The following MSRA variants were observed in gnomAD, a reference collection of about 807,000 sequenced individuals.
MSRA encodes the protein mitochondrial peptide methionine sulfoxide reductase.
A neutral mutation model predicts 31.3 loss-of-function variants in MSRA; 54 were observed. The ratio of observed to expected loss-of-function variants is 1.73; its 90% CI spans 1.39 to 2.17. MSRA has a LOEUF of 2.17. Among genes scored for constraint, MSRA ranks in the 30% most tolerant of loss-of-function variants. MSRA has a pLI of 0.00. For synonymous variants in MSRA, 169 were observed against 116.5 expected (o/e 1.45, Z -2.90); for missense variants, 507 against 300.9 (o/e 1.69, Z -5.07).
intron 1 of MSRA, among the ~76,000 whole-genome samples, chr8:10,097,710 C>T (rs922912824): frequency 3.1e-4 from 47 of 151,984 alleles, no homozygotes; most frequent in African/African-American, 9.9e-4. Context: ...TTCTTTGCAG[C>T]GAACTCAGAA....
chr8:10,200,183 G>A (rs750007347), intron 1 of MSRA, among the ~76,000 whole-genome samples: 19 of 152,220 alleles, frequency 1.2e-4, no homozygotes, highest in Non-Finnish European at 2.2e-4. Context: ...CAAAGGGAGC[G>A]GGCCAGATGG....
At chr8:10,167,660 C>T (rs1471268808) in intron 1 of MSRA, among the ~76,000 whole-genome samples, 1 of 152,130 alleles carries the variant, frequency 6.6e-6, no homozygotes, top group Non-Finnish European at 1.5e-5. Flanking sequence ...GCATCTTTTG[C>T]TCCCCTACAT....
intron 3 of MSRA, among the ~76,000 whole-genome samples, chr8:10,286,915 C>T (rs922628082): frequency 6.6e-6 from 1 of 152,194 alleles, no homozygotes; most frequent in Non-Finnish European, 1.5e-5. Context: ...TTATAGCGTA[C>T]CTTTTTGGCG....
intron 2 of MSRA, among the ~76,000 whole-genome samples, chr8:10,234,935 C>G (rs1002607412): frequency 2.6e-5 from 4 of 151,902 alleles, no homozygotes; most frequent in Non-Finnish European, 5.9e-5. Flanking sequence ...GAAAAACTGA[C>G]AGAACTAAAA....
At chr8:10,190,625 G>C (rs928684156) in intron 1 of MSRA, among the ~76,000 whole-genome samples, 4 of 152,226 alleles carry the variant, frequency 2.6e-5, no homozygotes, top group Non-Finnish European at 5.9e-5. Context: ...GTTTGCCAGA[G>C]AGAGTTTAGA....
chr8:10,404,914 A>G (rs1451241290), intron 5 of MSRA, among the ~76,000 whole-genome samples: 1 of 152,092 alleles, frequency 6.6e-6, no homozygotes, highest in Non-Finnish European at 1.5e-5. Context: ...CTGTGCACCC[A>G]CTGCTCCCCA....
chr8:10,227,033 T>A (rs1289031243), intron 2 of MSRA, among the ~76,000 whole-genome samples: 1 of 152,174 alleles, frequency 6.6e-6, no homozygotes, highest in East Asian at 1.9e-4. Flanking sequence ...TGTCTAGAGA[T>A]CCATGGCTCA....
intron 3 of MSRA, among the ~76,000 whole-genome samples, chr8:10,294,567 G>C (rs1800424717): frequency 1.3e-5 from 2 of 152,144 alleles, no homozygotes; most frequent in Admixed American, 6.5e-5. Context: ...CCGAGTTCTT[G>C]AGCTCTCCTC....
At chr8:10,381,247 C>G (rs1806051517) in intron 5 of MSRA, among the ~76,000 whole-genome samples, 2 of 152,124 alleles carry the variant, frequency 1.3e-5, no homozygotes, top group African/African-American at 4.8e-5. Flanking sequence ...CTCTTTTTAG[C>G]TTTACCCTCA....
chr8:10,144,341 A>T (rs1163481303), intron 1 of MSRA, among the ~76,000 whole-genome samples: 1 of 152,066 alleles, frequency 6.6e-6, no homozygotes, highest in Admixed American at 6.5e-5. Flanking sequence ...TAGGTGTGTG[A>T]CCTTGGCAAG....
chr8:10,324,311 G>A (rs561724190), intron 5 of MSRA, among the ~76,000 whole-genome samples: 2 of 152,178 alleles, frequency 1.3e-5, no homozygotes, highest in Non-Finnish European at 2.9e-5. Flanking sequence ...AGTTCATTAA[G>A]GGGTGAGCTT....
chr8:10,168,042 G>T (rs1440680649), intron 1 of MSRA, among the ~76,000 whole-genome samples: 1 of 152,202 alleles, frequency 6.6e-6, no homozygotes, highest in Non-Finnish European at 1.5e-5. Flanking sequence ...GAACCCAACA[G>T]TTTGGGTTGC....
intron 5 of MSRA, among the ~76,000 whole-genome samples, chr8:10,379,877 T>C (rs1410481568): frequency 6.6e-6 from 1 of 152,214 alleles, no homozygotes; most frequent in Non-Finnish European, 1.5e-5. Flanking sequence ...GCAAACTATG[T>C]TCATCATTAT....
intron 5 of MSRA, among the ~76,000 whole-genome samples, chr8:10,355,180 T>C (rs1804436262): frequency 6.6e-6 from 1 of 152,220 alleles, no homozygotes; most frequent in African/African-American, 2.4e-5. Flanking sequence ...GCCTTTCCAG[T>C]GCCGCCTCTT....
chr8:10,293,635 G>A (rs1414719044), intron 3 of MSRA, among the ~76,000 whole-genome samples: 1 of 152,204 alleles, frequency 6.6e-6, no homozygotes, highest in East Asian at 1.9e-4. Context: ...AAGGTCCGAC[G>A]TGTCTCTGGT....
intron 3 of MSRA, among the ~76,000 whole-genome samples, chr8:10,269,417 G>C (rs577661765): frequency 1.3e-5 from 2 of 152,310 alleles, no homozygotes; most frequent in Admixed American, 1.3e-4. Flanking sequence ...GAAACAACCC[G>C]TGTTACCACT....
At chr8:10,100,750 A>G (rs1262489734) in intron 1 of MSRA, among the ~76,000 whole-genome samples, 1 of 152,170 alleles carries the variant, frequency 6.6e-6, no homozygotes, top group African/African-American at 2.4e-5. Flanking sequence ...CTCCAAAAGC[A>G]AGCAGAAAGT....
chr8:10,389,758 T>A (rs1395766800), intron 5 of MSRA, among the ~76,000 whole-genome samples: 28 of 140,064 alleles, frequency 2.0e-4, no homozygotes, highest in Middle Eastern at 3.6e-3. Flanking sequence ...TTTTTTTTTT[T>A]AAAGTCTTTT....
chr8:10,182,335 G>A (rs1347258537), intron 1 of MSRA, among the ~76,000 whole-genome samples: 1 of 152,194 alleles, frequency 6.6e-6, no homozygotes. Context: ...GCTGAATGAT[G>A]CATCACATAA....
Sources: gnomAD v4.1 joint callset for allele counts (sites outside exome capture counted in the v4.1 genomes callset) on GRCh38, gnomAD v4.1.1 for gene constraint, MANE v1.5 for transcripts, NCBI Gene and HGNC (gene_info 2026-07-23, HGNC 2026-07-21) for gene names.